Variants in ANKRD44 observed in about 807,000 individuals in gnomAD.
ANKRD44 encodes the protein ankyrin repeat domain 44.
In ANKRD44, 35 loss-of-function variants were observed where a neutral mutation model predicts 116.0. The observed-to-expected ratio is 0.30, with a 90% CI of 0.23 to 0.40. The LOEUF (loss-of-function observed/expected upper bound fraction) is 0.40. ANKRD44 is among the 10% of genes least tolerant of loss of function. ANKRD44 has a pLI of 1.00. For missense variants in ANKRD44, 1,014 were observed against 1,242.6 expected, an observed-to-expected ratio of 0.82 and a Z score of 2.77; for synonymous variants, 435 against 461.8, an observed-to-expected ratio of 0.94 and a Z score of 0.74.
chr2:197,006,419 T>C (rs1481177254), intron 20 of ANKRD44, among the ~76,000 whole-genome samples: 1 of 152,142 alleles, frequency 6.6e-6, no homozygotes, highest in East Asian at 1.9e-4. Flanking sequence ...CACTACGGCC[T>C]GGGCGACAGA....
chr2:197,190,306 A>G (rs1356167423), intron 1 of ANKRD44, among the ~76,000 whole-genome samples: 2 of 152,214 alleles, frequency 1.3e-5, no homozygotes, highest in East Asian at 3.8e-4. Flanking sequence ...AAGCCTTGCT[A>G]TATGGACATC....
chr2:196,984,828 C>T (rs957556366), downstream of ANKRD44, among the ~76,000 whole-genome samples: 1 of 152,200 alleles, frequency 6.6e-6, no homozygotes, highest in Non-Finnish European at 1.5e-5. Context: ...TCAAAGGACA[C>T]CGTGATAGAC....
At chr2:197,273,584 C>G (rs372458933) in intron 1 of ANKRD44, among the ~76,000 whole-genome samples, 2 of 152,156 alleles carry the variant, frequency 1.3e-5, no homozygotes, top group Non-Finnish European at 1.5e-5. Context: ...AGAGCCTAAG[C>G]TGAAGCTGCC....
At chr2:197,290,435 A>AT (rs892507660) in intron 1 of ANKRD44, among the ~76,000 whole-genome samples, 64 of 150,296 alleles carry the variant, frequency 4.3e-4, no homozygotes, top group South Asian at 1.0e-3. Flanking sequence ...TGATGGGATT[A>AT]TTTTTTTTTA....
At position 197,025,184 on chromosome 2, in the gene ANKRD44, C is replaced by A; in HGVS notation, c.1722+12G>T. The A allele has an allele frequency of 6.2e-7, 1 of 1,606,496 alleles. No homozygotes were observed. Among genetic ancestry groups the A allele is most frequent in the Non-Finnish European group, 8.5e-7 (1 of 1,173,758 alleles). On this transcript the variant is annotated intron_variant, in intron 17 of 27. Transcript: ENST00000282272. Reference sequence around the variant, plus strand: ...TTGTAACAGGTGAAGCTGCTCATGGCATCTCACTTACAGCTAAGTGGAGTG... The same window carrying A: ...TTGTAACAGGTGAAGCTGCTCATGGAATCTCACTTACAGCTAAGTGGAGTG...
Position 197,125,526 on chromosome 2 carries a change from A to C in ANKRD44, c.463-58T>G, listed in dbSNP as rs2078955949. The C allele has an allele frequency of 6.1e-6, 9 of 1,469,754 alleles. No homozygotes were observed. In the South Asian group the frequency reaches 1.0e-4, roughly 17 times the overall value. 91.0% of individuals were successfully genotyped at this position (1,469,754 alleles called of 1,614,324 possible). A position where few individuals can be genotyped will look rare whatever the true frequency, so the allele number is the denominator to read the frequency against. ...CATTCTGTAATGGTGAGGCCTCCTC[A>C]CTGCCTGCAGATGATCTGAGCCAAA... On this transcript the variant is annotated intron_variant, in intron 5 of 27. Transcript: ENST00000282272.
At chr2:197,104,410 C>G (rs1238241631) in intron 9 of ANKRD44, among the ~76,000 whole-genome samples, 1 of 152,190 alleles carries the variant, frequency 6.6e-6, no homozygotes. Context: ...GGTGACCCAC[C>G]ACACCCAGGC....
At chr2:197,303,601 G>A (rs1012480625) in intron 1 of ANKRD44, among the ~76,000 whole-genome samples, 2 of 152,112 alleles carry the variant, frequency 1.3e-5, no homozygotes, top group African/African-American at 4.8e-5. Flanking sequence ...AGGGGAAAAT[G>A]GTCTTCTGGT....
At chr2:197,158,998 CACACACACAT>C (rs1284841100) in intron 2 of ANKRD44, among the ~76,000 whole-genome samples, 169 of 151,848 alleles carry the variant, frequency 1.1e-3, no homozygotes, top group African/African-American at 4.0e-3. Context: ...CACACACACA[CACACACACAT>C]ACACACACAT....
intron 17 of ANKRD44, among the ~76,000 whole-genome samples, chr2:197,022,009 T>C (rs2076506669): frequency 6.6e-6 from 1 of 152,228 alleles, no homozygotes; most frequent in African/African-American, 2.4e-5. Flanking sequence ...TGAAATTCAC[T>C]GGGCCAATAA....
At chr2:196,992,592 T>A (rs2075940678) in intron 27 of ANKRD44, 1 of 152,486 alleles carries the variant, frequency 6.6e-6, no homozygotes, top group Admixed American at 6.6e-5. Flanking sequence ...AAGTCTACAG[T>A]AGTGTTAAGA....
chr2:197,106,268 C>T (rs2078424653), intron 9 of ANKRD44, among the ~76,000 whole-genome samples: 1 of 151,806 alleles, frequency 6.6e-6, no homozygotes, highest in Admixed American at 6.6e-5. Context: ...ATGGCGAAAC[C>T]CCATCTCTAC....
At chr2:197,284,058 T>C (rs2083337983) in intron 1 of ANKRD44, among the ~76,000 whole-genome samples, 1 of 152,214 alleles carries the variant, frequency 6.6e-6, no homozygotes, top group Non-Finnish European at 1.5e-5. Context: ...GGTGCTGACC[T>C]CTAATTTACT....
intron 3 of ANKRD44, among the ~76,000 whole-genome samples, chr2:197,142,908 G>C (rs1219201961): frequency 6.6e-6 from 1 of 151,476 alleles, no homozygotes; most frequent in East Asian, 1.9e-4. Context: ...AAGAGGCCAA[G>C]ATGGGAGGAT....
chr2:196,998,426 A>G lies in ANKRD44; in HGVS notation c.2666-7T>C. 1 of 1,611,600 alleles carries G rather than the reference A, an allele frequency of 6.2e-7. No individual in the cohort carries two copies. The highest frequency in any genetic ancestry group is 1.1e-5 in the South Asian group (1 of 90,848). On this transcript the variant is annotated splice_region_variant and splice_polypyrimidine_tract_variant and intron_variant, in intron 24 of 27. Transcript: ENST00000282272. ...GCACTGTTCACCAAAATATCTGTAG[A>G]AAAAGCCCAAAAGAGGGTTACTTAG...
chr2:197,009,144 T>C, intron 18 of ANKRD44, 113 bp from the exon 19 acceptor site: 1 of 779,726 alleles, frequency 1.3e-6, no homozygotes, highest in Non-Finnish European at 2.1e-6. Flanking sequence ...CAGGCTGGAG[T>C]GCAGTGGGGC....
At chr2:197,038,294 T>C (rs2076844025) in intron 16 of ANKRD44, among the ~76,000 whole-genome samples, 1 of 150,882 alleles carries the variant, frequency 6.6e-6, no homozygotes, top group South Asian at 2.1e-4. Flanking sequence ...AGCCTTCTTC[T>C]ATCCAATTTG....
chr2:197,263,447 TCTC>T (rs1480392479), intron 1 of ANKRD44: 2 of 547,278 alleles, frequency 3.7e-6, no homozygotes, highest in Non-Finnish European at 6.7e-6. Context: ...CAACAGCTCT[TCTC>T]CTACACCATT....
intron 1 of ANKRD44, among the ~76,000 whole-genome samples, chr2:197,260,212 C>T (rs958104167): frequency 3.6e-5 from 5 of 137,300 alleles, no homozygotes; most frequent in African/African-American, 1.2e-4. Flanking sequence ...TTAGGTATAT[C>T]TCCTAATGCT....
Sources: allele counts gnomAD v4.1 joint callset (sites outside exome capture counted in the v4.1 genomes callset), GRCh38; gene constraint gnomAD v4.1.1; transcripts MANE v1.5; gene names NCBI Gene and HGNC (gene_info 2026-07-23, HGNC 2026-07-21).